HSF5: variants seen among roughly 807,000 people sequenced by gnomAD.
HSF5 encodes the protein heat shock transcription factor 5.
A neutral mutation model predicts 50.8 loss-of-function variants in HSF5; 5 were observed. The observed-to-expected ratio is 0.10, with a 90% CI of 0.05 to 0.21. The LOEUF is 0.21. HSF5 is among the 10% of genes least tolerant of loss of function. The pLI is 1.00. For synonymous variants in HSF5, 307 were observed against 307.4 expected (o/e 1.00, Z 0.02); for missense variants, 564 against 762.6 (o/e 0.74, Z 3.07).
chr17:58,460,541 G>A (rs1486202842), intron 4 of HSF5, among the ~76,000 whole-genome samples: 3 of 132,684 alleles, frequency 2.3e-5, no homozygotes, highest in Admixed American at 7.7e-5. Flanking sequence ...ACGGAGTCTC[G>A]CTCTGTCGCC....
At chr17:58,477,634 G>A (rs1019036910) in intron 2 of HSF5, among the ~76,000 whole-genome samples, 18 of 151,222 alleles carry the variant, frequency 1.2e-4, no homozygotes, top group Non-Finnish European at 2.1e-4. Context: ...TAATTTTTTT[G>A]TATTTTTAGT....
intron 2 of HSF5, among the ~76,000 whole-genome samples, chr17:58,469,094 A>G (rs1974910855): frequency 7.0e-6 from 1 of 143,092 alleles, no homozygotes; most frequent in Non-Finnish European, 1.6e-5. Flanking sequence ...AAAACTCGGG[A>G]AGGGAAAAAA....
intron 5 of HSF5, among the ~76,000 whole-genome samples, chr17:58,440,873 A>G (rs930585846): frequency 6.6e-6 from 1 of 152,250 alleles, no homozygotes; most frequent in African/African-American, 2.4e-5. Flanking sequence ...TCTCAGAGAA[A>G]GAGTGAACAT....
chr17:58,468,870 A>T (rs1288932735), intron 2 of HSF5, among the ~76,000 whole-genome samples: 1 of 152,148 alleles, frequency 6.6e-6, no homozygotes, highest in Non-Finnish European at 1.5e-5. Flanking sequence ...GCCATATATT[A>T]CTAAGATTGC....
intron 4 of HSF5, among the ~76,000 whole-genome samples, 191 bp downstream of exon 4, chr17:58,462,591 A>T (rs1474936315): frequency 6.6e-6 from 1 of 152,200 alleles, no homozygotes; most frequent in Non-Finnish European, 1.5e-5. Context: ...TAGTGAGATG[A>T]TGCTTAAGGG....
chr17:58,469,532 T>A (rs1974917629), intron 2 of HSF5, among the ~76,000 whole-genome samples: 1 of 152,204 alleles, frequency 6.6e-6, no homozygotes, highest in Non-Finnish European at 1.5e-5. Context: ...CCTCAATGGC[T>A]ATTCCTTACC....
At chr17:58,449,655 A>T (rs1241860341) in intron 5 of HSF5, among the ~76,000 whole-genome samples, 1 of 151,208 alleles carries the variant, frequency 6.6e-6, no homozygotes, top group South Asian at 2.1e-4. Context: ...AGCTGAGATC[A>T]TACCACTGCA....
intron 5 of HSF5, among the ~76,000 whole-genome samples, chr17:58,430,594 C>A (rs748396363): frequency 8.5e-5 from 13 of 152,162 alleles, no homozygotes; most frequent in Non-Finnish European, 1.5e-4. Context: ...GACTCCCCAG[C>A]CTTTGTACTC....
chr17:58,421,651 C>T lies in HSF5; in HGVS notation c.*709G>A, dbSNP rs1216316478. The T allele has an allele frequency of 6.6e-6, 1 of 152,204 alleles. No homozygotes were observed. Among genetic ancestry groups the T allele is most frequent in the African/African-American group, 2.4e-5 (1 of 41,372 alleles). The allele number at this position is 152,204 out of a possible 1,614,324, so 9.4% of individuals were successfully genotyped here. A position where few individuals can be genotyped will look rare whatever the true frequency, so the allele number is the denominator to read the frequency against. ...GTGATATATTAATAAAATCTTTTTA[C>T]CATTTATGATAATGTATCATTAAAA... On this transcript the variant is annotated 3_prime_UTR_variant, in exon 6 of 6. Coordinates refer to ENST00000323777, the MANE Select transcript of HSF5 (RefSeq NM_001080439.3).
At position 58,465,956 on chromosome 17, in the gene HSF5, C is replaced by G. The variant is rs139903517; in HGVS notation, c.1020+929G>C. 1.1e-4 allele frequency among the ~76,000 whole-genome samples: 16 copies of G among 152,206 alleles called. No individual in the cohort carries two copies. The East Asian group carries it at 3.1e-3, about 29-fold the overall frequency. On this transcript the variant is annotated intron_variant, in intron 3 of 5. Transcript: ENST00000323777. The stretch of plus-strand genomic sequence containing the variant: ...AAACTTTTTGAGTGCTGGCATGATA[C>G]CACAAGTGGAAAATTCCAGCAGAAA...
At chr17:58,432,731 A>G (rs551139971) in intron 5 of HSF5, among the ~76,000 whole-genome samples, 6 of 152,298 alleles carry the variant, frequency 3.9e-5, no homozygotes, top group African/African-American at 1.4e-4. Context: ...TGGGAAAATA[A>G]TTACTGATTT....
chr17:58,426,976 G>C (rs1332205501), intron 5 of HSF5, among the ~76,000 whole-genome samples: 1 of 152,136 alleles, frequency 6.6e-6, no homozygotes, highest in African/African-American at 2.4e-5. Flanking sequence ...TGTTGGCCAG[G>C]TGCGGTGGCT....
chr17:58,431,926 C>T (rs1037743365), intron 5 of HSF5, among the ~76,000 whole-genome samples: 8 of 152,120 alleles, frequency 5.3e-5, no homozygotes, highest in Non-Finnish European at 5.9e-5. Context: ...TACCAGCATT[C>T]AGGGGACAGT....
chr17:58,422,403 C>A lies in HSF5; in HGVS notation c.1748G>T (p.Cys583Phe). The A allele has an allele frequency of 1.9e-6, 3 of 1,614,006 alleles. No individual in the cohort carries two copies. The highest frequency in any genetic ancestry group is 1.3e-5 in the African/African-American group (1 of 75,048). The change falls in exon 6 of 6, where the codon TGC (cysteine) becomes TTC (phenylalanine). Residue 583 changes from cysteine (C) to phenylalanine (F), a missense_variant. Transcript: ENST00000323777. ...CTCCTTTGGAAAGCGCTCCTGCTTGCAGGCCACGTCCACCAGCAGATGAAG... is the reference window on the plus strand; with the variant it reads ...CTCCTTTGGAAAGCGCTCCTGCTTGAAGGCCACGTCCACCAGCAGATGAAG... ...PDLHLLVDVA[C>F]KQERFPKEEE...
At chr17:58,460,910 T>C (rs1344894803) in intron 4 of HSF5, among the ~76,000 whole-genome samples, 6 of 151,008 alleles carry the variant, frequency 4.0e-5, no homozygotes, top group Admixed American at 2.6e-4. Flanking sequence ...AATTCTGTGT[T>C]CTACAAATAT....
intron 1 of HSF5, among the ~76,000 whole-genome samples, chr17:58,483,964 G>A (rs1975133459): frequency 6.6e-6 from 1 of 152,088 alleles, no homozygotes; most frequent in South Asian, 2.1e-4. Context: ...GATTCGAGAA[G>A]AAGAAAAATG....
At chr17:58,475,109 T>C (rs1974994896) in intron 2 of HSF5, among the ~76,000 whole-genome samples, 1 of 152,148 alleles carries the variant, frequency 6.6e-6, no homozygotes, top group Non-Finnish European at 1.5e-5. Context: ...GCTCTGAAAA[T>C]CTATAAAACT....
intron 5 of HSF5, among the ~76,000 whole-genome samples, chr17:58,440,655 T>A (rs1446211377): frequency 6.6e-6 from 1 of 152,208 alleles, no homozygotes; most frequent in Non-Finnish European, 1.5e-5. Flanking sequence ...GGAAACTCCA[T>A]ATACTGGAAT....
chr17:58,481,134 GA>G (rs1346730235), intron 1 of HSF5, among the ~76,000 whole-genome samples: 1 of 152,132 alleles, frequency 6.6e-6, no homozygotes, highest in Non-Finnish European at 1.5e-5. Context: ...AGTCAGGCTT[GA>G]AAAGTTTGAC....
Sources: gnomAD v4.1 joint callset for allele counts (sites outside exome capture counted in the v4.1 genomes callset) on GRCh38, gnomAD v4.1.1 for gene constraint, MANE v1.5 for transcripts, NCBI Gene and HGNC (gene_info 2026-07-23, HGNC 2026-07-21) for gene names.